Variants in LHFPL3 observed in about 807,000 individuals in gnomAD.
LHFPL3 encodes the protein LHFPL tetraspan subfamily member 3.
A neutral mutation model predicts 19.3 loss-of-function variants in LHFPL3; 5 were observed. The ratio of observed to expected loss-of-function variants is 0.26; its 90% CI spans 0.14 to 0.54. LHFPL3 has a LOEUF of 0.54. Ranked by LOEUF, LHFPL3 falls within the 20% of genes least tolerant of loss-of-function variation. The pLI is 0.94. For missense variants in LHFPL3, 249 were observed against 307.4 expected, an observed-to-expected ratio of 0.81 and a Z score of 1.42; for synonymous variants, 133 against 126.2, an observed-to-expected ratio of 1.05 and a Z score of -0.36.
chr7:104,633,887 C>T (rs139866666), intron 1 of LHFPL3, among the ~76,000 whole-genome samples: 1 of 152,318 alleles, frequency 6.6e-6, no homozygotes, highest in East Asian at 1.9e-4. Flanking sequence ...ATCCTCCACC[C>T]TATTTCCTTG....
chr7:104,650,815 T>G (rs771728327), intron 1 of LHFPL3, among the ~76,000 whole-genome samples: 1 of 152,236 alleles, frequency 6.6e-6, no homozygotes, highest in East Asian at 1.9e-4. Context: ...AAACAGGCCA[T>G]TAAAGCAAAA....
chr7:104,601,976 AACAC>A (rs1790978357), intron 1 of LHFPL3, among the ~76,000 whole-genome samples: 1 of 151,654 alleles, frequency 6.6e-6, no homozygotes, highest in Admixed American at 6.6e-5. Flanking sequence ...TCTCCTTCAA[AACAC>A]ACAAATATTT....
intron 1 of LHFPL3, among the ~76,000 whole-genome samples, chr7:104,334,448 G>C (rs966712864): frequency 2.6e-5 from 4 of 152,232 alleles, no homozygotes; most frequent in African/African-American, 9.6e-5. Flanking sequence ...TCAGAAGGCT[G>C]AGGCAGGCGA....
At chr7:104,740,286 G>T (rs2116314361) in intron 2 of LHFPL3, among the ~76,000 whole-genome samples, 1 of 152,230 alleles carries the variant, frequency 6.6e-6, no homozygotes, top group South Asian at 2.1e-4. Context: ...CAAATGCAAT[G>T]GTCTACCAAT....
chr7:104,357,656 G>A (rs897070759), intron 1 of LHFPL3, among the ~76,000 whole-genome samples: 74 of 152,152 alleles, frequency 4.9e-4, no homozygotes, highest in Admixed American at 4.7e-3. Context: ...GTGAAGACTG[G>A]TTGGGCAAGT....
intron 1 of LHFPL3, among the ~76,000 whole-genome samples, chr7:104,420,857 C>T (rs1428043468): frequency 4.6e-5 from 7 of 151,666 alleles, no homozygotes; most frequent in South Asian, 2.1e-4. Flanking sequence ...CCACCGCGCC[C>T]GGCCCCCCAA....
At chr7:104,874,409 G>A (rs537435340) in intron 2 of LHFPL3, among the ~76,000 whole-genome samples, 7 of 145,734 alleles carry the variant, frequency 4.8e-5, no homozygotes, top group South Asian at 2.2e-4. Flanking sequence ...TTTTTTTTGG[G>A]GGGGGGACAG....
chr7:104,740,069 G>T (rs981809710), intron 2 of LHFPL3, among the ~76,000 whole-genome samples: 1 of 152,156 alleles, frequency 6.6e-6, no homozygotes, highest in Non-Finnish European at 1.5e-5. Context: ...CATGAGATCC[G>T]ATGGTTTTAT....
chr7:104,372,922 G>A (rs1790641305), intron 1 of LHFPL3, among the ~76,000 whole-genome samples: 1 of 144,764 alleles, frequency 6.9e-6, no homozygotes, highest in South Asian at 2.2e-4. Flanking sequence ...GTTTCTCATT[G>A]ATCATACTTC....
chr7:104,659,171 A>G (rs1282207826), intron 1 of LHFPL3, among the ~76,000 whole-genome samples: 4 of 152,196 alleles, frequency 2.6e-5, no homozygotes, highest in African/African-American at 7.2e-5. Flanking sequence ...AGCCCCAGGT[A>G]AGCAGACTGC....
At chr7:104,564,839 G>A (rs1012761649) in intron 1 of LHFPL3, among the ~76,000 whole-genome samples, 11 of 152,144 alleles carry the variant, frequency 7.2e-5, no homozygotes, top group Non-Finnish European at 1.6e-4. Context: ...AAAGTGTGCC[G>A]GGATTCACAT....
At chr7:104,733,115 A>C (rs1385493327) in intron 1 of LHFPL3, among the ~76,000 whole-genome samples, 2 of 152,154 alleles carry the variant, frequency 1.3e-5, no homozygotes, top group South Asian at 2.1e-4. Flanking sequence ...CTGTTCTTTT[A>C]CATTTGCTGA....
At chr7:104,558,388 G>T (rs929208604) in intron 1 of LHFPL3, among the ~76,000 whole-genome samples, 4 of 149,406 alleles carry the variant, frequency 2.7e-5, no homozygotes, top group African/African-American at 4.9e-5. Context: ...GTGTGAGATG[G>T]TATCTCATTG....
At chr7:104,430,437 T>TATACATATATATATATAC (rs1791969374) in intron 1 of LHFPL3, among the ~76,000 whole-genome samples, 1 of 16,878 alleles carries the variant, frequency 5.9e-5, no homozygotes, top group Non-Finnish European at 1.0e-4. Flanking sequence ...TATATATATA[T>TATACATATATATATATAC]ATATATATAT....
At chr7:104,737,624 T>A (rs1466481420) in intron 2 of LHFPL3, among the ~76,000 whole-genome samples, 1 of 152,210 alleles carries the variant, frequency 6.6e-6, no homozygotes, top group Non-Finnish European at 1.5e-5. Context: ...TGAAGATGAA[T>A]CTTTTAATTT....
chr7:104,379,728 T>C (rs916516556), intron 1 of LHFPL3, among the ~76,000 whole-genome samples: 1 of 152,066 alleles, frequency 6.6e-6, no homozygotes, highest in African/African-American at 2.4e-5. Context: ...AGAAAAGATT[T>C]CACCTTTAGG....
At chr7:104,333,363 A>G (rs950620575) in intron 1 of LHFPL3, among the ~76,000 whole-genome samples, 2 of 152,222 alleles carry the variant, frequency 1.3e-5, no homozygotes, top group African/African-American at 2.4e-5. Context: ...ATGTGGAAAG[A>G]TACTCGCTTT....
chr7:104,667,264 T>TGGGGGG (rs112543248), intron 1 of LHFPL3, among the ~76,000 whole-genome samples: 150 of 147,808 alleles, frequency 1.0e-3, no homozygotes, highest in African/African-American at 3.6e-3. Context: ...TCTGTTTTCT[T>TGGGGGG]GGGGGGGGGA....
chr7:104,490,337 G>A (rs1185002175), intron 1 of LHFPL3, among the ~76,000 whole-genome samples: 2 of 152,078 alleles, frequency 1.3e-5, no homozygotes, highest in African/African-American at 2.4e-5. Flanking sequence ...TTGCATGGAA[G>A]CAGCCCAAAT....
Sources: gnomAD v4.1 joint callset for allele counts (sites outside exome capture counted in the v4.1 genomes callset) on GRCh38, gnomAD v4.1.1 for gene constraint, MANE v1.5 for transcripts, NCBI Gene and HGNC (gene_info 2026-07-23, HGNC 2026-07-21) for gene names.